SRPK2: variants seen among roughly 807,000 people sequenced by gnomAD.
SRPK2 encodes the protein SRSF protein kinase 2.
In SRPK2, 21 loss-of-function variants were observed where a neutral mutation model predicts 90.8. The observed-to-expected ratio is 0.23, with a 90% CI of 0.16 to 0.33. SRPK2 has a LOEUF of 0.33. Among genes scored for constraint, SRPK2 ranks in the 10% least tolerant of loss-of-function variants. SRPK2 has a pLI of 1.00. For missense variants in SRPK2, 620 were observed against 869.0 expected (o/e 0.71, Z 3.60); for synonymous variants, 288 against 311.1 (o/e 0.93, Z 0.78).
intron 2 of SRPK2, among the ~76,000 whole-genome samples, chr7:105,274,173 G>A (rs1031451544): frequency 1.3e-5 from 2 of 152,070 alleles, no homozygotes; most frequent in Admixed American, 6.6e-5. Flanking sequence ...GTCTTAAAGC[G>A]TAATACAAGT....
intron 7 of SRPK2, among the ~76,000 whole-genome samples, chr7:105,158,219 A>G (rs1806818121): frequency 6.6e-6 from 1 of 152,102 alleles, no homozygotes; most frequent in African/African-American, 2.4e-5. Context: ...TCTCTAGAAG[A>G]TAAAATAAAT....
rs1802989561 is a variant in SRPK2 at position 105,137,296 on chromosome 7, A to C, written c.1544-4192T>G. 2.0e-5 allele frequency among the ~76,000 whole-genome samples: 3 copies of C among 152,338 alleles called. No individual in the cohort carries two copies. In the East Asian group the frequency reaches 5.8e-4, roughly 29 times the overall value. ...AGACCTGCCAGGGAACACACTGGAG[A>C]GTTTGTCAGCTTCAGTGAAGGACAA... On this transcript the variant is annotated intron_variant, in intron 11 of 15. Coordinates refer to ENST00000393651, the MANE Select transcript of SRPK2 (RefSeq NM_182692.3).
chr7:105,211,172 A>G (rs572431937), intron 2 of SRPK2, among the ~76,000 whole-genome samples: 39 of 152,310 alleles, frequency 2.6e-4, no homozygotes, highest in African/African-American at 9.4e-4. Flanking sequence ...AAGTGAATAC[A>G]CTGCCAAGTT....
Position 105,228,954 on chromosome 7 carries a change from T to C in SRPK2, c.72-25169A>G, listed in dbSNP as rs564627852. Among the ~76,000 whole-genome samples, 13 of 152,288 alleles carry C rather than the reference T, an allele frequency of 8.5e-5. No homozygotes were observed. The East Asian group carries it at 2.5e-3, about 29-fold the overall frequency. Reference sequence around the variant, plus strand: ...AGAGGCCGAGAAAAGCCCTGCATCATAACTACTGCTCACAATAGTAGTGGT... The same window carrying C: ...AGAGGCCGAGAAAAGCCCTGCATCACAACTACTGCTCACAATAGTAGTGGT... On this transcript the variant is annotated intron_variant, in intron 2 of 15. Transcript: ENST00000393651.
At chr7:105,357,056 G>C (rs1293332226) in intron 2 of SRPK2, among the ~76,000 whole-genome samples, 1 of 144,986 alleles carries the variant, frequency 6.9e-6, no homozygotes, top group South Asian at 2.2e-4. Context: ...TTTTTTTTGA[G>C]ACGGAGTCTC....
chr7:105,369,145 T>C (rs1819426120), intron 2 of SRPK2, among the ~76,000 whole-genome samples: 1 of 149,406 alleles, frequency 6.7e-6, no homozygotes, highest in African/African-American at 2.5e-5. Context: ...TTATTATTAT[T>C]ATTATTATTA....
chr7:105,387,899 T>C (rs1194199551), intron 2 of SRPK2, among the ~76,000 whole-genome samples: 1 of 152,186 alleles, frequency 6.6e-6, no homozygotes, highest in African/African-American at 2.4e-5. Context: ...GCGGCCAGGC[T>C]GGAGGTGGCC....
intron 2 of SRPK2, among the ~76,000 whole-genome samples, chr7:105,378,695 G>A (rs532649898): frequency 1.7e-4 from 25 of 151,048 alleles, no homozygotes; most frequent in African/African-American, 5.1e-4. Flanking sequence ...CTCAGGTGGT[G>A]GAGGTTGCAG....
At chr7:105,192,302 C>T (rs139512432) in intron 3 of SRPK2, among the ~76,000 whole-genome samples, 1 of 152,228 alleles carries the variant, frequency 6.6e-6, no homozygotes, top group African/African-American at 2.4e-5. Context: ...AGTGAGAGAA[C>T]ATAGGATGTC....
At chr7:105,306,671 A>C (rs983921695) in intron 2 of SRPK2, 1 of 348,940 alleles carries the variant, frequency 2.9e-6, no homozygotes, top group African/African-American at 2.1e-5. Context: ...CATTTAACCG[A>C]AACACTCATT....
intron 2 of SRPK2, chr7:105,301,938 A>C (rs1810599982): frequency 6.2e-7 from 1 of 1,609,648 alleles, no homozygotes; most frequent in African/African-American, 1.3e-5. Flanking sequence ...CCATCAAGTA[A>C]GAAAAAAGAC....
At chr7:105,327,067 CAAAA>C (rs11350866) in intron 2 of SRPK2, among the ~76,000 whole-genome samples, 4 of 123,304 alleles carry the variant, frequency 3.2e-5, no homozygotes, top group Admixed American at 8.6e-5. Flanking sequence ...AACTCCGTAT[CAAAA>C]AAAAAAAAAA....
chr7:105,138,139 GA>G (rs1039392771), intron 11 of SRPK2, among the ~76,000 whole-genome samples: 1 of 152,118 alleles, frequency 6.6e-6, no homozygotes, highest in Admixed American at 6.5e-5. Context: ...ACTATAAATG[GA>G]AAAAAGCGGG....
intron 3 of SRPK2, among the ~76,000 whole-genome samples, chr7:105,183,180 T>C (rs945496817): frequency 1.6e-4 from 25 of 152,244 alleles, no homozygotes; most frequent in Non-Finnish European, 3.7e-4. Flanking sequence ...TCATCTTTTT[T>C]TGTCATTTTA....
At chr7:105,175,572 G>A (rs1286903055) in intron 3 of SRPK2, among the ~76,000 whole-genome samples, 1 of 152,092 alleles carries the variant, frequency 6.6e-6, no homozygotes, top group Non-Finnish European at 1.5e-5. Flanking sequence ...GAGAAAATCA[G>A]TGAAAACAAA....
chr7:105,373,060 G>C (rs1240283236), intron 2 of SRPK2, among the ~76,000 whole-genome samples: 2 of 152,206 alleles, frequency 1.3e-5, no homozygotes, highest in East Asian at 3.9e-4. Context: ...TTGCTCTCTA[G>C]CCTCAGCGAC....
At chr7:105,176,587 A>ATG (rs1585060007) in intron 3 of SRPK2, among the ~76,000 whole-genome samples, 2 of 96,464 alleles carry the variant, frequency 2.1e-5, no homozygotes, top group African/African-American at 8.3e-5. Context: ...GTGTATGTAT[A>ATG]TATGTGTGTG....
intron 6 of SRPK2, among the ~76,000 whole-genome samples, chr7:105,162,144 C>T (rs1184607688): frequency 5.3e-5 from 8 of 152,166 alleles, no homozygotes; most frequent in Non-Finnish European, 8.8e-5. Context: ...TGGGTTCAAG[C>T]GATTCTCCTA....
At chr7:105,372,673 A>T (rs182406010) in intron 2 of SRPK2, among the ~76,000 whole-genome samples, 42 of 152,350 alleles carry the variant, frequency 2.8e-4, no homozygotes, top group African/African-American at 4.3e-4. Context: ...GCCTAGAATT[A>T]AAAAAGCCTA....
Sources: gnomAD v4.1 joint callset for allele counts (sites outside exome capture counted in the v4.1 genomes callset) on GRCh38, gnomAD v4.1.1 for gene constraint, MANE v1.5 for transcripts, NCBI Gene and HGNC (gene_info 2026-07-23, HGNC 2026-07-21) for gene names.